FHOD3: variants seen among roughly 807,000 people sequenced by gnomAD.
FHOD3 encodes the protein formin homology 2 domain containing 3.
Under a neutral mutation model 173.0 loss-of-function variants are expected in FHOD3, and 90 were observed. The ratio of observed to expected loss-of-function variants is 0.52; its 90% confidence interval spans 0.44 to 0.62. The LOEUF (loss-of-function observed/expected upper bound fraction) is 0.62. Ranked by LOEUF, FHOD3 falls within the 20% of genes least tolerant of loss-of-function variation. The probability of loss-of-function intolerance (pLI) is 0.00; values close to 1 mark genes in which losing one functional copy is unlikely to be tolerated. For synonymous variants in FHOD3, 828 were observed against 823.0 expected (o/e 1.01, Z -0.10); for missense variants, 1,945 against 2,034.7 (o/e 0.96, Z 0.85).
At chr18:36,774,272 G>T (rs2043528541) in intron 28 of FHOD3, among the ~76,000 whole-genome samples, 1 of 152,228 alleles carries the variant, frequency 6.6e-6, no homozygotes, top group African/African-American at 2.4e-5. Context: ...GAGGGCATGG[G>T]CTGGGCTCTG....
At chr18:36,716,798 G>A (rs566220033) in intron 18 of FHOD3, among the ~76,000 whole-genome samples, 11 of 152,324 alleles carry the variant, frequency 7.2e-5, no homozygotes, top group African/African-American at 2.4e-4. Context: ...TGGAGGCAGT[G>A]GGCAAAGCAA....
intron 5 of FHOD3, among the ~76,000 whole-genome samples, chr18:36,556,672 T>C (rs1039079087): frequency 2.6e-5 from 4 of 152,236 alleles, no homozygotes; most frequent in African/African-American, 9.6e-5. Flanking sequence ...AGAACACTGT[T>C]ATTTTTCTGT....
At chr18:36,469,687 G>A (rs1002797282) in intron 3 of FHOD3, among the ~76,000 whole-genome samples, 11 of 152,290 alleles carry the variant, frequency 7.2e-5, no homozygotes, top group African/African-American at 2.6e-4. Flanking sequence ...AGGGGGTTGT[G>A]AGGCCTCATC....
At chr18:36,686,043 G>C (rs2038589519) in intron 15 of FHOD3, among the ~76,000 whole-genome samples, 1 of 152,044 alleles carries the variant, frequency 6.6e-6, no homozygotes, top group African/African-American at 2.4e-5. Context: ...TGACAGTGTG[G>C]CGATTCCTCA....
intron 3 of FHOD3, among the ~76,000 whole-genome samples, chr18:36,403,478 G>A (rs1440280928): frequency 6.6e-6 from 1 of 152,120 alleles, no homozygotes. Flanking sequence ...AAGGCCTCCT[G>A]TGTGCCGGGG....
chr18:36,579,315 C>T (rs1321467920), intron 6 of FHOD3, among the ~76,000 whole-genome samples: 3 of 152,094 alleles, frequency 2.0e-5, no homozygotes, highest in Non-Finnish European at 4.4e-5. Flanking sequence ...TGATAAAACA[C>T]CAACAACTTG....
At chr18:36,309,090 A>G (rs2092180175) in intron 1 of FHOD3, among the ~76,000 whole-genome samples, 1 of 151,678 alleles carries the variant, frequency 6.6e-6, no homozygotes, top group Admixed American at 6.6e-5. Flanking sequence ...TGGTGTGGGC[A>G]TGCCTGGGGG....
chr18:36,540,297 C>G (rs751061727), intron 5 of FHOD3, among the ~76,000 whole-genome samples: 33 of 152,298 alleles, frequency 2.2e-4, no homozygotes, highest in Admixed American at 5.2e-4. Flanking sequence ...TTCAACATTT[C>G]TTTTTGGAAT....
At chr18:36,540,212 C>T (rs2057152955) in intron 5 of FHOD3, among the ~76,000 whole-genome samples, 1 of 152,134 alleles carries the variant, frequency 6.6e-6, no homozygotes, top group African/African-American at 2.4e-5. Context: ...GGTAATGTCA[C>T]GTGTCAAAGC....
At position 36,717,834 on chromosome 18, in the gene FHOD3, T is replaced by C; in HGVS notation, c.2536T>C (p.Leu846=). The C allele has an allele frequency of 6.4e-7, 1 of 1,563,418 alleles. No individual in the cohort carries two copies. Among genetic ancestry groups the C allele is most frequent in the Non-Finnish European group, 8.7e-7 (1 of 1,153,802 alleles). Residue 846 remains leucine, a splice_region_variant and synonymous_variant, in exon 19 of 29, where the codon TTG becomes CTG. Transcript: ENST00000590592. ...TTTTCTCTCCCATGTACTTTCAGGTTTGTGGCCCGCAGGTGTCCAGGATGC... is the reference window on the plus strand; with the variant it reads ...TTTTCTCTCCCATGTACTTTCAGGTCTGTGGCCCGCAGGTGTCCAGGATGC... ...DKLSRDRTTG[L]WPAGVQDAGV...
intron 5 of FHOD3, among the ~76,000 whole-genome samples, chr18:36,546,051 T>TG (rs1465348385): frequency 6.6e-6 from 1 of 152,214 alleles, no homozygotes; most frequent in Non-Finnish European, 1.5e-5. Flanking sequence ...TCTGTGGGTG[T>TG]GCCAAGGCAG....
At chr18:36,325,701 T>C (rs910876063) in intron 1 of FHOD3, among the ~76,000 whole-genome samples, 1 of 152,190 alleles carries the variant, frequency 6.6e-6, no homozygotes, top group Non-Finnish European at 1.5e-5. Flanking sequence ...CTCCTTCTCT[T>C]TCTTCCCTCT....
At chr18:36,728,271 A>G (rs2041178328) in intron 19 of FHOD3, among the ~76,000 whole-genome samples, 1 of 152,228 alleles carries the variant, frequency 6.6e-6, no homozygotes, top group Admixed American at 6.5e-5. Context: ...CTCCAGCACC[A>G]CAGTATTGGC....
rs535708530 is a variant in FHOD3 at position 36,436,959 on chromosome 18, A to G, written c.337+64215A>G. ...GTTGCTAAAATGAAATACAGAAACA[A>G]CTTAGACATATCTTAGCCCCTGCAA... On this transcript the variant is annotated intron_variant, in intron 3 of 28. Transcript: ENST00000590592. Among the ~76,000 whole-genome samples the G allele has an allele frequency of 6.6e-5, 10 of 152,348 alleles. No homozygotes were observed. The East Asian group carries it at 1.3e-3, about 21-fold the overall frequency.
At position 36,694,402 on chromosome 18, in the gene FHOD3, C is replaced by T. The variant is rs147699060; in HGVS notation, c.2236+979C>T. On this transcript the variant is annotated intron_variant, in intron 17 of 28. Transcript: ENST00000590592. ...CAAACCTTGGCTCATTCTGCTGGAG[C>T]GGGCCGGCTCCTCCACAGCTTCCCG... Among the ~76,000 whole-genome samples the T allele has an allele frequency of 6.8e-4, 104 of 152,290 alleles. 1 individual carries two copies. The East Asian group carries it at 0.016, about 23-fold the overall frequency.
chr18:36,653,027 T>G, intron 12 of FHOD3, 98 bp downstream of exon 12: 1 of 1,428,740 alleles, frequency 7.0e-7, no homozygotes, highest in South Asian at 1.5e-5. Context: ...CCATGTTTTT[T>G]TGTGGATTTC....
At chr18:36,632,739 G>C (rs1251393906) in intron 10 of FHOD3, among the ~76,000 whole-genome samples, 2 of 152,178 alleles carry the variant, frequency 1.3e-5, no homozygotes, top group Non-Finnish European at 2.9e-5. Flanking sequence ...AGCAATGGAA[G>C]AGGTAGGGAT....
intron 3 of FHOD3, among the ~76,000 whole-genome samples, chr18:36,457,609 A>G (rs1285336412): frequency 6.6e-6 from 1 of 152,236 alleles, no homozygotes; most frequent in Non-Finnish European, 1.5e-5. Flanking sequence ...AACTGATTCC[A>G]TAAGAGTTGA....
At chr18:36,693,173 T>C (rs2039063677) in intron 16 of FHOD3, 36 bp from the exon 17 acceptor site, 8 of 1,585,728 alleles carry the variant, frequency 5.0e-6, no homozygotes, top group Admixed American at 1.8e-5. Flanking sequence ...GGCTCCTCTT[T>C]CGTTTGACGG....
Sources: allele counts gnomAD v4.1 joint callset (sites outside exome capture counted in the v4.1 genomes callset), GRCh38; gene constraint gnomAD v4.1.1; transcripts MANE v1.5; gene names NCBI Gene and HGNC (gene_info 2026-07-23, HGNC 2026-07-21).